Variants in AUTS2 observed in about 807,000 individuals in gnomAD.
The protein encoded by AUTS2 is autism susceptibility gene 2 protein.
Under a neutral mutation model 112.4 loss-of-function variants are expected in AUTS2, and 17 were observed. The observed-to-expected ratio is 0.15, with a 90% confidence interval of 0.10 to 0.23. The LOEUF (loss-of-function observed/expected upper bound fraction) is 0.23, where lower values mean the gene tolerates loss of function less well. Among genes scored for constraint, AUTS2 ranks in the 10% least tolerant of loss-of-function variants. The pLI, the probability that AUTS2 is intolerant of heterozygous loss-of-function variation, is 1.00. For synonymous variants in AUTS2, 751 were observed against 702.7 expected (o/e 1.07, Z -1.09); for missense variants, 1,510 against 1,701.6 (o/e 0.89, Z 1.98).
At chr7:70,516,181 T>C (rs1563009326) in intron 5 of AUTS2, among the ~76,000 whole-genome samples, 2 of 152,178 alleles carry the variant, frequency 1.3e-5, no homozygotes, top group Non-Finnish European at 2.9e-5. Flanking sequence ...GTCGTAGGGG[T>C]TAGCTTCAAG....
chr7:69,686,914 T>C (rs189017222), intron 1 of AUTS2, among the ~76,000 whole-genome samples: 2 of 152,324 alleles, frequency 1.3e-5, no homozygotes, highest in East Asian at 3.9e-4. Context: ...CATATACATA[T>C]TTTGTTTTAT....
intron 1 of AUTS2, among the ~76,000 whole-genome samples, chr7:69,806,257 A>G (rs1790302721): frequency 6.7e-6 from 1 of 148,164 alleles, no homozygotes; most frequent in Non-Finnish European, 1.5e-5. Context: ...CAGAAGAAAG[A>G]CAAGAGGAAG....
chr7:70,090,328 T>C (rs1448410489), intron 2 of AUTS2, among the ~76,000 whole-genome samples: 2 of 152,208 alleles, frequency 1.3e-5, no homozygotes, highest in East Asian at 3.9e-4. Flanking sequence ...TGATATTTAA[T>C]TAGTTAATTG....
chr7:70,035,054 C>G (rs1800940819), intron 2 of AUTS2, among the ~76,000 whole-genome samples: 1 of 152,054 alleles, frequency 6.6e-6, no homozygotes, highest in South Asian at 2.1e-4. Context: ...CATGTCATTC[C>G]AATATAATAT....
chr7:70,096,219 A>G (rs183901671), intron 2 of AUTS2, among the ~76,000 whole-genome samples: 13 of 152,330 alleles, frequency 8.5e-5, no homozygotes, highest in African/African-American at 2.9e-4. Context: ...AAGTACACTG[A>G]TTTAATTTTT....
At chr7:69,855,092 T>C (rs1792658442) in intron 1 of AUTS2, among the ~76,000 whole-genome samples, 1 of 152,212 alleles carries the variant, frequency 6.6e-6, no homozygotes, top group East Asian at 1.9e-4. Context: ...CAAATAATTT[T>C]ACCCCTTACG....
intron 4 of AUTS2, among the ~76,000 whole-genome samples, chr7:70,304,257 C>G (rs1789382817): frequency 6.6e-6 from 1 of 152,140 alleles, no homozygotes; most frequent in Non-Finnish European, 1.5e-5. Flanking sequence ...AGCCTGTAGT[C>G]TAAAGACCCA....
At chr7:70,184,592 G>C (rs927340668) in intron 4 of AUTS2, among the ~76,000 whole-genome samples, 3 of 152,194 alleles carry the variant, frequency 2.0e-5, no homozygotes, top group Admixed American at 6.5e-5. Context: ...AATGAAATGA[G>C]ATCTTAACAT....
intron 17 of AUTS2, among the ~76,000 whole-genome samples, chr7:70,786,745 T>C (rs893977809): frequency 6.6e-6 from 1 of 152,174 alleles, no homozygotes; most frequent in East Asian, 1.9e-4. Flanking sequence ...GAAGGAGACC[T>C]GTGTGTCTGG....
intron 4 of AUTS2, among the ~76,000 whole-genome samples, chr7:70,212,219 G>T (rs1010612209): frequency 2.0e-5 from 3 of 152,280 alleles, no homozygotes; most frequent in African/African-American, 7.2e-5. Flanking sequence ...CAAATTTAGA[G>T]ACCAAAAATG....
intron 1 of AUTS2, among the ~76,000 whole-genome samples, chr7:69,659,400 T>C (rs1795682791): frequency 6.6e-6 from 1 of 152,088 alleles, no homozygotes; most frequent in South Asian, 2.1e-4. Flanking sequence ...TTTTTCTGTT[T>C]TTCTCTTATT....
At chr7:70,557,300 G>T (rs1801291480) in intron 5 of AUTS2, among the ~76,000 whole-genome samples, 1 of 152,140 alleles carries the variant, frequency 6.6e-6, no homozygotes, top group South Asian at 2.1e-4. Flanking sequence ...GACCCTCGGG[G>T]TCTCCAGAGG....
At chr7:69,714,902 A>G (rs1798526332) in intron 1 of AUTS2, among the ~76,000 whole-genome samples, 1 of 152,010 alleles carries the variant, frequency 6.6e-6, no homozygotes, top group Non-Finnish European at 1.5e-5. Context: ...TATTCAGCAT[A>G]CTTTATATAT....
At chr7:70,720,282 G>A (rs1810593476) in intron 6 of AUTS2, among the ~76,000 whole-genome samples, 2 of 152,022 alleles carry the variant, frequency 1.3e-5, no homozygotes, top group South Asian at 4.2e-4. Context: ...ATATTCACAA[G>A]CCTCAAGAGT....
intron 2 of AUTS2, among the ~76,000 whole-genome samples, chr7:70,090,060 A>G (rs1426530549): frequency 6.6e-6 from 1 of 151,120 alleles, no homozygotes; most frequent in African/African-American, 2.4e-5. Flanking sequence ...AAATAATAAT[A>G]AAATAAAATA....
Position 70,781,712 on chromosome 7 carries a change from A to G in AUTS2, c.2102A>G (p.His701Arg). The G allele has an allele frequency of 6.2e-7, 1 of 1,613,834 alleles. No individual in the cohort carries two copies. The highest frequency in any genetic ancestry group is 8.5e-7 in the Non-Finnish European group (1 of 1,179,950). Residue 701 changes from histidine to arginine, a missense_variant, in exon 15 of 19, where the codon CAC becomes CGC. His to Arg is a conservative substitution (Grantham distance 29). Coordinates refer to ENST00000342771, the MANE Select transcript of AUTS2 (RefSeq NM_015570.4). ...CCCAGTCTTTTTGGAGCCATCCACC[A>G]CCCCCATGACCTGGCACGGCCTTCA... Reference protein sequence around the residue: ...PGPSLFGAIHHPHDLARPSTL... With the variant: ...PGPSLFGAIHRPHDLARPSTL...
chr7:69,715,624 G>A (rs191750831), intron 1 of AUTS2, among the ~76,000 whole-genome samples: 7 of 152,278 alleles, frequency 4.6e-5, no homozygotes, highest in Admixed American at 6.5e-5. Context: ...TGGAGTCAGC[G>A]TAGGCAGTCA....
chr7:70,205,182 A>G (rs1810505886), intron 4 of AUTS2, among the ~76,000 whole-genome samples: 3 of 152,242 alleles, frequency 2.0e-5, no homozygotes, highest in Non-Finnish European at 2.9e-5. Flanking sequence ...CTGGGACTTC[A>G]GGAATGCACC....
intron 5 of AUTS2, among the ~76,000 whole-genome samples, chr7:70,471,705 T>C (rs1470430057): frequency 1.3e-5 from 2 of 151,744 alleles, no homozygotes; most frequent in Non-Finnish European, 2.9e-5. Context: ...GAGAGAAAAA[T>C]AGCAGGGAGG....
Sources: allele counts gnomAD v4.1 joint callset (sites outside exome capture counted in the v4.1 genomes callset), GRCh38; gene constraint gnomAD v4.1.1; transcripts MANE v1.5; gene names NCBI Gene and HGNC (gene_info 2026-07-23, HGNC 2026-07-21).